The following DOCK10 variants were observed in gnomAD, a reference collection of about 807,000 sequenced individuals.
DOCK10 encodes the protein dedicator of cytokinesis 10.
Under a neutral mutation model 280.1 loss-of-function variants are expected in DOCK10, and 145 were observed. That is an observed-to-expected ratio of 0.52 (90% confidence interval 0.45 to 0.59). DOCK10 has a LOEUF of 0.59. DOCK10 is among the 20% of genes least tolerant of loss of function. DOCK10 has a pLI of 0.00. For missense variants in DOCK10, 2,368 were observed against 2,651.7 expected, an observed-to-expected ratio of 0.89 and a Z score of 2.35; for synonymous variants, 915 against 942.2, an observed-to-expected ratio of 0.97 and a Z score of 0.53.
At chr2:224,984,916 A>G (rs1164017013) in intron 1 of DOCK10, among the ~76,000 whole-genome samples, 1 of 148,604 alleles carries the variant, frequency 6.7e-6, no homozygotes, top group Non-Finnish European at 1.5e-5. Context: ...ATCTTGGCTC[A>G]CTGCAACCTC....
At position 224,995,710 on chromosome 2, in the gene DOCK10, T is replaced by C. The variant is rs531881953; in HGVS notation, c.123+46542A>G. ...GCTTTTAAAAAAGCATGGTTAATTG[T>C]GCAAATCTCGGTACATTCCCTTGTT... On this transcript the variant is annotated intron_variant, in intron 1 of 55. Coordinates refer to ENST00000258390, the MANE Select transcript of DOCK10 (RefSeq NM_014689.3). 4.6e-5 allele frequency among the ~76,000 whole-genome samples: 7 copies of C among 152,038 alleles called. No homozygotes were observed. In the South Asian group the frequency reaches 1.5e-3, roughly 32 times the overall value.
At chr2:224,788,991 T>G in intron 48 of DOCK10, 73 bp downstream of exon 48, 1 of 877,588 alleles carries the variant, frequency 1.1e-6, no homozygotes, top group Non-Finnish European at 1.8e-6. Context: ...TGTTTCCCCC[T>G]TATTTAGCTT....
intron 1 of DOCK10, among the ~76,000 whole-genome samples, chr2:224,949,081 C>A (rs907173739): frequency 4.6e-5 from 7 of 152,148 alleles, no homozygotes; most frequent in African/African-American, 1.7e-4. Context: ...GTCAGATAGA[C>A]AGAGTCTGTG....
At chr2:225,032,938 A>C (rs1575176677) in intron 1 of DOCK10, among the ~76,000 whole-genome samples, 1 of 152,324 alleles carries the variant, frequency 6.6e-6, no homozygotes, top group Non-Finnish European at 1.5e-5. Context: ...GTAATTACTA[A>C]GATAATTATA....
chr2:224,881,174 T>C (rs1698953190), intron 7 of DOCK10, among the ~76,000 whole-genome samples: 1 of 152,218 alleles, frequency 6.6e-6, no homozygotes, highest in African/African-American at 2.4e-5. Flanking sequence ...CAGTGATAAA[T>C]GTAATTTCAT....
intron 23 of DOCK10, among the ~76,000 whole-genome samples, chr2:224,840,508 A>C (rs182101725): frequency 2.6e-5 from 4 of 152,340 alleles, no homozygotes; most frequent in Non-Finnish European, 5.9e-5. Flanking sequence ...ATATATAAAA[A>C]ATGTTCAACG....
At chr2:224,953,602 T>C (rs1352465748) in intron 1 of DOCK10, among the ~76,000 whole-genome samples, 1 of 152,196 alleles carries the variant, frequency 6.6e-6, no homozygotes, top group Admixed American at 6.5e-5. Context: ...AGTAGACTTG[T>C]CTGGGGGAGT....
intron 1 of DOCK10, among the ~76,000 whole-genome samples, chr2:224,948,503 G>A (rs1703552306): frequency 6.6e-6 from 1 of 152,144 alleles, no homozygotes; most frequent in Admixed American, 6.6e-5. Flanking sequence ...AGATGAACAG[G>A]TATGTTATAG....
chr2:224,776,331 C>T (rs1481805947), intron 51 of DOCK10, among the ~76,000 whole-genome samples: 9 of 152,080 alleles, frequency 5.9e-5, no homozygotes, highest in Non-Finnish European at 1.2e-4. Flanking sequence ...ATAGAGGTTT[C>T]GAGTGACCAG....
At chr2:225,013,811 G>A (rs1363428719) in intron 1 of DOCK10, among the ~76,000 whole-genome samples, 2 of 152,056 alleles carry the variant, frequency 1.3e-5, no homozygotes, top group Non-Finnish European at 2.9e-5. Flanking sequence ...AAGGCTATTG[G>A]CAGTGTCATA....
At chr2:224,999,342 A>G (rs1248190438) in intron 1 of DOCK10, among the ~76,000 whole-genome samples, 1 of 149,822 alleles carries the variant, frequency 6.7e-6, no homozygotes. Context: ...GCCCTACCTC[A>G]TTCATAGTTT....
intron 7 of DOCK10, among the ~76,000 whole-genome samples, chr2:224,877,777 C>T (rs762003202): frequency 6.6e-6 from 1 of 152,196 alleles, no homozygotes; most frequent in Non-Finnish European, 1.5e-5. Flanking sequence ...TTATATATTC[C>T]TGGTATGAGA....
chr2:224,858,862 T>A (rs1697320232), intron 14 of DOCK10, among the ~76,000 whole-genome samples: 1 of 152,168 alleles, frequency 6.6e-6, no homozygotes, highest in Non-Finnish European at 1.5e-5. Context: ...AAACCCTTTG[T>A]GTAAGCTTTT....
At chr2:224,789,456 G>T (rs1428173975) in intron 47 of DOCK10, among the ~76,000 whole-genome samples, 1 of 152,154 alleles carries the variant, frequency 6.6e-6, no homozygotes, top group Non-Finnish European at 1.5e-5. Flanking sequence ...CCAATCTTCT[G>T]GTTTAATCTC....
Position 224,795,038 on chromosome 2 carries a change from C to T in DOCK10, c.4995G>A (p.Leu1665=). Residue 1665 remains leucine, a synonymous_variant, in exon 45 of 56, where the codon TTG becomes TTA. Coordinates refer to ENST00000258390, the MANE Select transcript of DOCK10 (RefSeq NM_014689.3). ...KDLTKRIRTV[L]MATAQMKEHE... ...GCTCCTTCATCTGAGCTGTGGCCAT[C>T]AAAACAGTCCTTATACGCTTAGTCA... The T allele has an allele frequency of 6.2e-7, 1 of 1,613,934 alleles. No homozygotes were observed. The highest frequency in any genetic ancestry group is 1.7e-5 in the Admixed American group (1 of 60,014).
chr2:224,895,839 GTGTATATATA>G (rs1432416090), intron 4 of DOCK10, among the ~76,000 whole-genome samples: 1 of 116,244 alleles, frequency 8.6e-6, no homozygotes, highest in Admixed American at 8.9e-5. Flanking sequence ...GTGCGTGTGT[GTGTATATATA>G]TATATATATA....
rs1396613429 is a variant in DOCK10 at position 225,012,211 on chromosome 2, AGCTTAACG to A, written c.123+30033_123+30040del. On this transcript the variant is annotated intron_variant, in intron 1 of 55. Coordinates refer to ENST00000258390, the MANE Select transcript of DOCK10 (RefSeq NM_014689.3). ...TTGCCATCAGTTCCACTGAGTTGGTAGCTTAACGGCTCTTTGCTCAGAGGTTTTAACCT... is the reference window on the plus strand; with the variant it reads ...TTGCCATCAGTTCCACTGAGTTGGTAGCTCTTTGCTCAGAGGTTTTAACCT... 2.0e-5 allele frequency among the ~76,000 whole-genome samples: 3 copies of A among 152,186 alleles called. No homozygotes were observed. In the South Asian group the frequency reaches 6.2e-4, roughly 31 times the overall value.
rs151280424 is a variant in DOCK10, at chr2:225,028,500, C to A, written c.123+13752G>T. ...ATACCTTGATTTTAGCCTGGTGAGA[C>A]CCTCACCAGACTTCTCACCTACACT... On this transcript the variant is annotated intron_variant, in intron 1 of 55. Transcript: ENST00000258390. Among the ~76,000 whole-genome samples, 413 of 152,202 alleles carry A rather than the reference C, an allele frequency of 2.7e-3. 4 individuals are homozygous for A. The highest frequency in any genetic ancestry group is 9.7e-3 in the African/African-American group (403 of 41,510).
chr2:224,840,955 G>A (rs190725353), intron 23 of DOCK10, among the ~76,000 whole-genome samples: 34 of 152,182 alleles, frequency 2.2e-4, no homozygotes, highest in Non-Finnish European at 3.8e-4. Flanking sequence ...TAGGTCATTT[G>A]CAACAACATG....
Sources: gnomAD v4.1 joint callset for allele counts (sites outside exome capture counted in the v4.1 genomes callset) on GRCh38, gnomAD v4.1.1 for gene constraint, MANE v1.5 for transcripts, NCBI Gene and HGNC (gene_info 2026-07-23, HGNC 2026-07-21) for gene names.